ACSL3: variants seen among roughly 807,000 people sequenced by gnomAD.
The protein encoded by ACSL3 is fatty acid CoA ligase Acsl3.
A neutral mutation model predicts 84.7 loss-of-function variants in ACSL3; 34 were observed. That is an observed-to-expected ratio of 0.40 (90% CI 0.31 to 0.53). The LOEUF (loss-of-function observed/expected upper bound fraction) is 0.53, where lower values mean the gene tolerates loss of function less well. Among genes scored for constraint, ACSL3 ranks in the 20% least tolerant of loss-of-function variants. The probability of loss-of-function intolerance (pLI) is 0.48; values close to 1 mark genes in which losing one functional copy is unlikely to be tolerated. For missense variants in ACSL3, 680 were observed against 873.1 expected, an observed-to-expected ratio of 0.78 and a Z score of 2.79; for synonymous variants, 315 against 299.4, an observed-to-expected ratio of 1.05 and a Z score of -0.54.
chr2:222,890,037 CTAAAG>C (rs1695806915), intron 2 of ACSL3, among the ~76,000 whole-genome samples: 1 of 152,210 alleles, frequency 6.6e-6, no homozygotes, highest in African/African-American at 2.4e-5. Flanking sequence ...AGACTATTGA[CTAAAG>C]GAAGTAATCG....
intron 4 of ACSL3, among the ~76,000 whole-genome samples, chr2:222,914,706 A>G (rs1219074765): frequency 2.0e-5 from 3 of 152,222 alleles, no homozygotes; most frequent in African/African-American, 4.8e-5. Flanking sequence ...GCAGTGTTCA[A>G]TGATATTGGC....
chr2:222,913,759 G>A (rs1019808248), intron 4 of ACSL3, among the ~76,000 whole-genome samples: 1 of 152,102 alleles, frequency 6.6e-6, no homozygotes, highest in Non-Finnish European at 1.5e-5. Flanking sequence ...GTTTGCCTGG[G>A]TTCATATTCT....
chr2:222,900,093 G>T (rs1199389644), intron 2 of ACSL3, among the ~76,000 whole-genome samples: 1 of 152,126 alleles, frequency 6.6e-6, no homozygotes, highest in African/African-American at 2.4e-5. Context: ...TAGTTCTAAA[G>T]ATTTTTTAGA....
chr2:222,938,593 C>T (rs1697230923), intron 16 of ACSL3, among the ~76,000 whole-genome samples: 1 of 152,100 alleles, frequency 6.6e-6, no homozygotes, highest in Non-Finnish European at 1.5e-5. Flanking sequence ...CTTTTGACAG[C>T]TTGATTACGA....
At chr2:222,865,067 A>T (rs1210254778) in intron 1 of ACSL3, among the ~76,000 whole-genome samples, 1 of 152,158 alleles carries the variant, frequency 6.6e-6, no homozygotes, top group Non-Finnish European at 1.5e-5. Context: ...TTTTGATTGT[A>T]ATTTATTTAT....
chr2:222,918,098 T>C lies in ACSL3; in HGVS notation c.609T>C (p.Asn203=). Residue 203 remains asparagine, a synonymous_variant, in exon 6 of 17, where the codon AAT becomes AAC. Coordinates refer to ENST00000357430, the MANE Select transcript of ACSL3 (RefSeq NM_004457.5). Reference sequence around the variant, plus strand: ...GTCCAGCCATTGTTCATGCATTAAATGAAACAGAGGTGACCAACATCATTA... The same window carrying C: ...GTCCAGCCATTGTTCATGCATTAAACGAAACAGAGGTGACCAACATCATTA... The part of the protein sequence containing the change: ...LGGPAIVHAL[N]ETEVTNIITS... 6.2e-7 allele frequency: 1 copy of C among 1,612,852 alleles called. No homozygotes were observed. Among genetic ancestry groups the C allele is most frequent in the East Asian group, 2.2e-5 (1 of 44,758 alleles).
intron 1 of ACSL3, among the ~76,000 whole-genome samples, chr2:222,882,557 T>A (rs1196678164): frequency 6.6e-6 from 1 of 152,102 alleles, no homozygotes; most frequent in Non-Finnish European, 1.5e-5. Flanking sequence ...GCGGACAATC[T>A]AGAACCCTTG....
At chr2:222,866,754 C>G (rs866671794) in intron 1 of ACSL3, among the ~76,000 whole-genome samples, 1 of 42,658 alleles carries the variant, frequency 2.3e-5, no homozygotes, top group African/African-American at 1.2e-4. Flanking sequence ...GCCCCCCCCG[C>G]CCCCCCCCCC....
chr2:222,880,301 G>A (rs976448356), intron 1 of ACSL3, among the ~76,000 whole-genome samples: 3 of 152,036 alleles, frequency 2.0e-5, no homozygotes, highest in Admixed American at 1.3e-4. Flanking sequence ...ATTGCATTTG[G>A]TTTATGGGTT....
chr2:222,869,080 C>T (rs894358954), intron 1 of ACSL3, among the ~76,000 whole-genome samples: 8 of 152,092 alleles, frequency 5.3e-5, no homozygotes, highest in Admixed American at 2.6e-4. Flanking sequence ...TACCAAGGGT[C>T]TACTCTTGTT....
rs949546246 is a variant in ACSL3 at position 222,861,219 on chromosome 2, G to A, written c.-246G>A. 3 of 152,166 alleles carry A rather than the reference G, an allele frequency of 2.0e-5. No homozygotes were observed. Among genetic ancestry groups the A allele is most frequent in the African/African-American group, 7.2e-5 (3 of 41,436 alleles). The allele number at this position is 152,166 out of a possible 1,614,324, so 9.4% of individuals were successfully genotyped here. A position where few individuals can be genotyped will look rare whatever the true frequency, so the allele number is the denominator to read the frequency against. ...CGCTCTGGGGCTCAGCCAGGCCTGC[G>A]CGGGCCCGAGGCCGGAGGAACCCGG... On this transcript the variant is annotated 5_prime_UTR_variant, in exon 1 of 17. Coordinates refer to ENST00000357430, the MANE Select transcript of ACSL3 (RefSeq NM_004457.5).
rs532044766 is a variant in ACSL3 at position 222,879,721 on chromosome 2, G to A, written c.-206-8109G>A. 3.3e-5 allele frequency among the ~76,000 whole-genome samples: 5 copies of A among 152,296 alleles called. No individual in the cohort carries two copies. In the East Asian group the frequency reaches 9.6e-4, roughly 29 times the overall value. ...CTGGTCACAGGTCTGCTGGATACCT[G>A]TGGATGCACACATTTGCCGTAGTCT... On this transcript the variant is annotated intron_variant, in intron 1 of 16. Transcript: ENST00000357430.
chr2:222,915,805 C>G (rs1265646111), intron 4 of ACSL3, among the ~76,000 whole-genome samples: 1 of 152,142 alleles, frequency 6.6e-6, no homozygotes, highest in East Asian at 1.9e-4. Flanking sequence ...TATGGCAATT[C>G]AAGTTCAGCA....
At chr2:222,866,043 G>A (rs1695129653) in intron 1 of ACSL3, among the ~76,000 whole-genome samples, 1 of 151,988 alleles carries the variant, frequency 6.6e-6, no homozygotes, top group African/African-American at 2.4e-5. Flanking sequence ...CCTAGTTTTT[G>A]TTTTTCTAAA....
rs1401778688 is a variant in ACSL3, at chr2:222,924,601, T to C, written c.1292+6T>C. 3 of 1,591,066 alleles carry C rather than the reference T, an allele frequency of 1.9e-6. No homozygotes were observed. The highest frequency in any genetic ancestry group is 2.6e-6 in the Non-Finnish European group (3 of 1,171,698). ...AATACTCCACTGTGCGACAGGTAAG[T>C]AAAGACTCTCTACCTCCTTCTTTCT... On this transcript the variant is annotated splice_donor_region_variant and intron_variant, in intron 11 of 16. Transcript: ENST00000357430.
intron 10 of ACSL3, 87 bp from the exon 11 acceptor site, chr2:222,924,369 A>G (rs1177446561): frequency 9.9e-6 from 12 of 1,215,568 alleles, no homozygotes; most frequent in Non-Finnish European, 1.1e-5. Context: ...ATGCCTTAAT[A>G]TTGCTAGAAA....
rs1466906871 is a variant in ACSL3, at chr2:222,944,274, A to G, written c.*2620A>G. 4 of 152,172 alleles carry G rather than the reference A, an allele frequency of 2.6e-5. No individual in the cohort carries two copies. Among genetic ancestry groups the G allele is most frequent in the African/African-American group, 9.6e-5 (4 of 41,452 alleles). The allele number at this position is 152,172 out of a possible 1,614,324, so 9.4% of individuals were successfully genotyped here. A position where few individuals can be genotyped will look rare whatever the true frequency, so the allele number is the denominator to read the frequency against. On this transcript the variant is annotated 3_prime_UTR_variant, in exon 17 of 17. Coordinates refer to ENST00000357430, the MANE Select transcript of ACSL3 (RefSeq NM_004457.5). Reference sequence around the variant, plus strand: ...GAATAACTTACTTGTTTGCTGCTAAAATACTCAAGATTTTGCCATTTTTAA... The same window carrying G: ...GAATAACTTACTTGTTTGCTGCTAAGATACTCAAGATTTTGCCATTTTTAA...
chr2:222,910,768 A>T (rs1306025599), intron 4 of ACSL3, among the ~76,000 whole-genome samples: 2 of 152,222 alleles, frequency 1.3e-5, no homozygotes, highest in Non-Finnish European at 2.9e-5. Flanking sequence ...TTGCTGTGAC[A>T]TTAATAGTGC....
chr2:222,933,095 TATATATGTATTAA>T, intron 14 of ACSL3, 58 bp from the exon 15 acceptor site: 1 of 886,402 alleles, frequency 1.1e-6, no homozygotes, highest in Non-Finnish European at 1.8e-6. Context: ...GGCCAGTATT[TATATATGTATTAA>T]ATGTTACTAA....
Sources: gnomAD v4.1 joint callset for allele counts (sites outside exome capture counted in the v4.1 genomes callset) on GRCh38, gnomAD v4.1.1 for gene constraint, MANE v1.5 for transcripts, NCBI Gene and HGNC (gene_info 2026-07-23, HGNC 2026-07-21) for gene names.